Variants in OR6C4 observed in about 807,000 individuals in gnomAD.
OR6C4 encodes the protein olfactory receptor family 6 subfamily C member 4, also known as olfactory receptor 6C4.
In OR6C4, 20 loss-of-function variants were observed where a neutral mutation model predicts 15.1. That is an observed-to-expected ratio of 1.32 (90% CI 0.93 to 1.92). The LOEUF is 1.92. Ranked by LOEUF, OR6C4 falls within the 30% of genes most tolerant of loss-of-function variation. The pLI, the probability that OR6C4 is intolerant of heterozygous loss-of-function variation, is 0.00. For synonymous variants in OR6C4, 179 were observed against 134.2 expected, an observed-to-expected ratio of 1.33 and a Z score of -2.31; for missense variants, 491 against 363.2, an observed-to-expected ratio of 1.35 and a Z score of -2.86.
chr12:55,550,126 T>A lies in OR6C4; in HGVS notation c.-19+8T>A, dbSNP rs1367236551. 1 of 152,160 alleles carries A rather than the reference T, an allele frequency of 6.6e-6. No homozygotes were observed. The highest frequency in any genetic ancestry group is 1.5e-5 in the Non-Finnish European group (1 of 68,028). The allele number at this position is 152,160 out of a possible 1,614,324, so 9.4% of individuals were successfully genotyped here. ...ACTTGCCAAAGACCACAGGTTAGTA[T>A]AAACAAGGAAAAGAGGGCTGCAGGA... On this transcript the variant is annotated splice_region_variant and intron_variant, in intron 1 of 1. Coordinates refer to ENST00000641569, the MANE Select transcript of OR6C4 (RefSeq NM_001005494.2).
At position 55,552,145 on chromosome 12, in the gene OR6C4, G is replaced by A. The variant is rs372324915; in HGVS notation, c.919G>A (p.Val307Met). ...QAFKDSVKKI[V>M]KL ...TTTCAAGGACTCAGTCAAAAAGATT[G>A]TGAAACTTTAAAAAAGGAGATTACA... Residue 307 changes from valine to methionine, a missense_variant, in exon 2 of 2, where the codon GTG becomes ATG. By Grantham distance (21) the Val-to-Met change is conservative. Transcript: ENST00000641569. The A allele has an allele frequency of 6.3e-6, 10 of 1,591,390 alleles. No individual in the cohort carries two copies. Among genetic ancestry groups the A allele is most frequent in the East Asian group, 4.5e-5 (2 of 44,650 alleles).
Position 55,551,310 on chromosome 12 carries a change from T to C in OR6C4, c.84T>C (p.Phe28=), listed in dbSNP as rs1490215195. ...QPELQVMIFI[F]LFLTYMLSIL... ...AACTCCAAGTGATGATATTCATCTT[T>C]CTGTTCCTCACCTACATGCTAAGTA... The change falls in exon 2 of 2, where the codon TTT becomes TTC. Residue 28 remains phenylalanine (F), a synonymous_variant. Coordinates refer to ENST00000641569, the MANE Select transcript of OR6C4 (RefSeq NM_001005494.2). 1.9e-6 allele frequency: 3 copies of C among 1,613,680 alleles called. No homozygotes were observed. Among genetic ancestry groups the C allele is most frequent in the Non-Finnish European group, 2.5e-6 (3 of 1,179,692 alleles).
rs1478999289 is a variant in OR6C4 at position 55,555,110 on chromosome 12, T to C, written c.*2954T>C. ...TACAAAAATCAGCCAGGCATGGTGATGCGTGCCTGTAATTCCAGCTACTGG... is the reference window on the plus strand; with the variant it reads ...TACAAAAATCAGCCAGGCATGGTGACGCGTGCCTGTAATTCCAGCTACTGG... On this transcript the variant is annotated 3_prime_UTR_variant, in exon 2 of 2. Transcript: ENST00000641569. The C allele has an allele frequency of 1.3e-5, 2 of 152,168 alleles. No individual in the cohort carries two copies. Among genetic ancestry groups the C allele is most frequent in the Non-Finnish European group, 1.5e-5 (1 of 68,032 alleles). 9.4% of individuals were successfully genotyped at this position (152,168 alleles called of 1,614,324 possible).
In OR6C4 at chr12:55,552,453, C is replaced by T. The variant is rs898961794; in HGVS notation, c.*297C>T. On this transcript the variant is annotated 3_prime_UTR_variant, in exon 2 of 2. Transcript: ENST00000641569. ...CATAAATTATTTGAAATTTAAGAAG[C>T]AAAACAGATTGTTTATTTAGAAGAG... is the stretch of plus-strand genomic sequence containing the variant. 4.3e-6 allele frequency: 1 copy of T among 230,392 alleles called. No homozygotes were observed. The highest frequency in any genetic ancestry group is 2.3e-5 in the African/African-American group (1 of 43,054). 14.3% of individuals were successfully genotyped at this position (230,392 alleles called of 1,614,324 possible). A position where few individuals can be genotyped will look rare whatever the true frequency, so the allele number is the denominator to read the frequency against.
chr12:55,554,643 A>T lies in OR6C4; in HGVS notation c.*2487A>T, dbSNP rs1050181996. The T allele has an allele frequency of 1.3e-5, 2 of 152,144 alleles. No homozygotes were observed. Among genetic ancestry groups the T allele is most frequent in the African/African-American group, 4.8e-5 (2 of 41,442 alleles). 9.4% of individuals were successfully genotyped at this position (152,144 alleles called of 1,614,324 possible). Reference sequence around the variant, plus strand: ...TTAAAAGAAACAGCTTTAGCTGCCTAACATTCTCAGAATCATATTATACCA... The same window carrying T: ...TTAAAAGAAACAGCTTTAGCTGCCTTACATTCTCAGAATCATATTATACCA... On this transcript the variant is annotated 3_prime_UTR_variant, in exon 2 of 2. Coordinates refer to ENST00000641569, the MANE Select transcript of OR6C4 (RefSeq NM_001005494.2).
rs1344177870 is a variant in OR6C4 at position 55,551,319 on chromosome 12, C to A, written c.93C>A (p.Leu31=). Residue 31 remains leucine (L), a synonymous_variant, in exon 2 of 2, where the codon CTC becomes CTA. Transcript: ENST00000641569. ...LQVMIFIFLF[L]TYMLSILGNL... ...TGATGATATTCATCTTTCTGTTCCT[C>A]ACCTACATGCTAAGTATCCTAGGAA... The A allele has an allele frequency of 6.2e-7, 1 of 1,613,406 alleles. No homozygotes were observed. The highest frequency in any genetic ancestry group is 8.5e-7 in the Non-Finnish European group (1 of 1,179,462).
At position 55,549,752 on chromosome 12, in the gene OR6C4, C is replaced by G. The variant is rs188607041; in HGVS notation, c.-385C>G. Reference sequence around the variant, plus strand: ...TTTTTTATTACCTATGTGAAGTTCTCTGTCTCTCAGGAACTATGATTTGAT... The same window carrying G: ...TTTTTTATTACCTATGTGAAGTTCTGTGTCTCTCAGGAACTATGATTTGAT... On this transcript the variant is annotated 5_prime_UTR_variant, in exon 1 of 2. Transcript: ENST00000641569. The G allele has an allele frequency of 3.9e-5, 6 of 152,244 alleles. No individual in the cohort carries two copies. The highest frequency in any genetic ancestry group is 3.3e-4 in the Admixed American group (5 of 15,280). 9.4% of individuals were successfully genotyped at this position (152,244 alleles called of 1,614,324 possible).
At chr12:55,550,824 A>C (rs981590792) in intron 1 of OR6C4, among the ~76,000 whole-genome samples, 1 of 152,194 alleles carries the variant, frequency 6.6e-6, no homozygotes, top group African/African-American at 2.4e-5. Flanking sequence ...AGAAAACAGA[A>C]TGAGGTAGAG....
At chr12:55,550,658 G>C (rs1322376307) in intron 1 of OR6C4, among the ~76,000 whole-genome samples, 1 of 152,178 alleles carries the variant, frequency 6.6e-6, no homozygotes, top group African/African-American at 2.4e-5. Context: ...TACAAAATGA[G>C]ATGATCTTCA....
At position 55,551,269 on chromosome 12, in the gene OR6C4, C is replaced by T. The variant is rs772394543; in HGVS notation, c.43C>T (p.Leu15Phe). 6.2e-7 allele frequency: 1 copy of T among 1,613,240 alleles called. No homozygotes were observed. Among genetic ancestry groups the T allele is most frequent in the African/African-American group, 1.3e-5 (1 of 74,854 alleles). ...GTTTGGTGAGTTTATTCTACTGGGC[C>T]TTACAAATCAACCTGAACTCCAAGT... ...TMFGEFILLG[L>F]TNQPELQVMI... Residue 15 changes from leucine (L) to phenylalanine (F), a missense_variant, in exon 2 of 2, where the codon CTT (leucine) becomes TTT (phenylalanine). Leu to Phe is a conservative substitution (Grantham distance 22). Coordinates refer to ENST00000641569, the MANE Select transcript of OR6C4 (RefSeq NM_001005494.2).
Position 55,551,486 on chromosome 12 carries a change from A to G in OR6C4, c.260A>G (p.Asn87Ser), listed in dbSNP as rs1170236673. The G allele has an allele frequency of 6.2e-7, 1 of 1,613,804 alleles. No individual in the cohort carries two copies. The highest frequency in any genetic ancestry group is 1.3e-5 in the African/African-American group (1 of 74,934). ...PRFLTSMTTG[N>S]KVISFAGCLT... ...TTTCTGACCAGCATGACAACAGGAA[A>G]TAAAGTTATCAGCTTTGCTGGCTGC... Residue 87 changes from asparagine (N) to serine (S), a missense_variant, in exon 2 of 2, where the codon AAT becomes AGT. Transcript: ENST00000641569.
Position 55,551,946 on chromosome 12 carries a change from C to G in OR6C4, c.720C>G (p.Ser240=), listed in dbSNP as rs1054788974. The G allele has an allele frequency of 6.2e-7, 1 of 1,613,846 alleles. No homozygotes were observed. Among genetic ancestry groups the G allele is most frequent in the South Asian group, 1.1e-5 (1 of 91,074 alleles). The change falls in exon 2 of 2, where the codon TCC becomes TCG. Residue 240 remains serine, a synonymous_variant. Coordinates refer to ENST00000641569, the MANE Select transcript of OR6C4 (RefSeq NM_001005494.2). ...QQRTKAFSTC[S]SHMIVISLSY... ...GGACAAAGGCCTTTTCCACTTGTTC[C>G]TCCCACATGATTGTCATCTCCCTCT...
chr12:55,551,675 G>C lies in OR6C4; in HGVS notation c.449G>C (p.Gly150Ala). Residue 150 changes from glycine (G) to alanine (A), a missense_variant, in exon 2 of 2, where the codon GGA (glycine) becomes GCA (alanine). Coordinates refer to ENST00000641569, the MANE Select transcript of OR6C4 (RefSeq NM_001005494.2). ...IQLVFCSWLG[G>A]FLAILPPIIL... ...CTAGTGTTCTGCTCCTGGTTGGGGG[G>C]ATTCCTAGCAATCTTACCACCAATC... The C allele has an allele frequency of 2.5e-6, 4 of 1,613,854 alleles. No individual in the cohort carries two copies. Among genetic ancestry groups the C allele is most frequent in the Non-Finnish European group, 3.4e-6 (4 of 1,179,878 alleles).
In OR6C4 at chr12:55,551,800, C is replaced by T. The variant is rs542204338; in HGVS notation, c.574C>T (p.Leu192Phe). Residue 192 changes from leucine to phenylalanine, a missense_variant, in exon 2 of 2, where the codon CTC becomes TTC. Transcript: ENST00000641569. ...LVELACSDTS[L>F]LELMVILLAV... Reference sequence around the variant, plus strand: ...GGAGCTTGCCTGCTCAGACACAAGCCTCTTAGAACTGATGGTCATCCTCTT... The same window carrying T: ...GGAGCTTGCCTGCTCAGACACAAGCTTCTTAGAACTGATGGTCATCCTCTT... 7.4e-6 allele frequency: 12 copies of T among 1,613,802 alleles called. No individual in the cohort carries two copies. Among genetic ancestry groups the T allele is most frequent in the South Asian group, 3.3e-5 (3 of 91,074 alleles).
chr12:55,553,396 A>G lies in OR6C4; in HGVS notation c.*1240A>G, dbSNP rs182299426. The G allele has an allele frequency of 1.3e-5, 2 of 152,208 alleles. No individual in the cohort carries two copies. The highest frequency in any genetic ancestry group is 3.9e-4 in the East Asian group (2 of 5,180). 9.4% of individuals were successfully genotyped at this position (152,208 alleles called of 1,614,324 possible). On this transcript the variant is annotated 3_prime_UTR_variant, in exon 2 of 2. Coordinates refer to ENST00000641569, the MANE Select transcript of OR6C4 (RefSeq NM_001005494.2). ...GGGTAAAAGTGGAACACAATCTGGT[A>G]TTTTCACATGCTTTATATGTGGTAA...
rs992554947 is a variant in OR6C4 at position 55,552,813 on chromosome 12, T to C, written c.*657T>C. On this transcript the variant is annotated 3_prime_UTR_variant, in exon 2 of 2. Coordinates refer to ENST00000641569, the MANE Select transcript of OR6C4 (RefSeq NM_001005494.2). ...TTAAGATTTTTGTCAACTTAATATG[T>C]CCATTTTCTAGTTTATGGTTAAAAC... The C allele has an allele frequency of 1.3e-5, 2 of 152,136 alleles. No individual in the cohort carries two copies. The highest frequency in any genetic ancestry group is 4.8e-5 in the African/African-American group (2 of 41,464). 9.4% of individuals were successfully genotyped at this position (152,136 alleles called of 1,614,324 possible). A position where few individuals can be genotyped will look rare whatever the true frequency, so the allele number is the denominator to read the frequency against.
At position 55,551,961 on chromosome 12, in the gene OR6C4, C is replaced by T. The variant is rs1873883717; in HGVS notation, c.735C>T (p.Val245=). The T allele has an allele frequency of 6.2e-7, 1 of 1,613,854 alleles. No homozygotes were observed. The highest frequency in any genetic ancestry group is 8.5e-7 in the Non-Finnish European group (1 of 1,179,894). The change falls in exon 2 of 2, where the codon GTC becomes GTT. Residue 245 remains valine (V), a synonymous_variant. Transcript: ENST00000641569. ...CCACTTGTTCCTCCCACATGATTGT[C>T]ATCTCCCTCTCTTATGGCAGCTGCA... The part of the protein sequence containing the change: ...AFSTCSSHMI[V]ISLSYGSCMF...
rs967634735 is a variant in OR6C4, at chr12:55,552,896, C to A, written c.*740C>A. 6.6e-6 allele frequency: 1 copy of A among 152,022 alleles called. No homozygotes were observed. Among genetic ancestry groups the A allele is most frequent in the African/African-American group, 2.4e-5 (1 of 41,440 alleles). The allele number at this position is 152,022 out of a possible 1,614,324, so 9.4% of individuals were successfully genotyped here. On this transcript the variant is annotated 3_prime_UTR_variant, in exon 2 of 2. Coordinates refer to ENST00000641569, the MANE Select transcript of OR6C4 (RefSeq NM_001005494.2). Reference sequence around the variant, plus strand: ...TTCTCCTAGACAAAATCTATTGTTTCTTTTCTTAGGTGACATTTTAAGTTA... The same window carrying A: ...TTCTCCTAGACAAAATCTATTGTTTATTTTCTTAGGTGACATTTTAAGTTA...
In OR6C4 at chr12:55,552,904, A is replaced by G. The variant is rs1873915413; in HGVS notation, c.*748A>G. On this transcript the variant is annotated 3_prime_UTR_variant, in exon 2 of 2. Coordinates refer to ENST00000641569, the MANE Select transcript of OR6C4 (RefSeq NM_001005494.2). ...GACAAAATCTATTGTTTCTTTTCTTAGGTGACATTTTAAGTTAATGGCATG... is the reference window on the plus strand; with the variant it reads ...GACAAAATCTATTGTTTCTTTTCTTGGGTGACATTTTAAGTTAATGGCATG... The G allele has an allele frequency of 6.6e-6, 1 of 152,084 alleles. No homozygotes were observed. Among genetic ancestry groups the G allele is most frequent in the African/African-American group, 2.4e-5 (1 of 41,442 alleles). 9.4% of individuals were successfully genotyped at this position (152,084 alleles called of 1,614,324 possible). A position where few individuals can be genotyped will look rare whatever the true frequency, so the allele number is the denominator to read the frequency against.
Sources: gnomAD v4.1 joint callset for allele counts (sites outside exome capture counted in the v4.1 genomes callset) on GRCh38, gnomAD v4.1.1 for gene constraint, MANE v1.5 for transcripts, NCBI Gene and HGNC (gene_info 2026-07-23, HGNC 2026-07-21) for gene names.